Variants in LUZP2 observed in about 807,000 individuals in gnomAD.
LUZP2 encodes the protein leucine zipper protein 2.
Under a neutral mutation model 51.6 loss-of-function variants are expected in LUZP2, and 52 were observed. The observed-to-expected ratio is 1.01, with a 90% CI of 0.81 to 1.27. The LOEUF (loss-of-function observed/expected upper bound fraction) is 1.27, where lower values mean the gene tolerates loss of function less well. Ranked by LOEUF, LUZP2 falls within the 50% of genes most tolerant of loss-of-function variation. The pLI, the probability that LUZP2 is intolerant of heterozygous loss-of-function variation, is 0.00. For synonymous variants in LUZP2, 154 were observed against 137.3 expected (o/e 1.12, Z -0.85); for missense variants, 436 against 395.4 (o/e 1.10, Z -0.87).
chr11:24,992,581 A>G (rs1856381907), intron 9 of LUZP2, among the ~76,000 whole-genome samples: 1 of 152,160 alleles, frequency 6.6e-6, no homozygotes, highest in Admixed American at 6.6e-5. Flanking sequence ...AAACTATTCA[A>G]TTAATATTTG....
At chr11:24,508,549 G>A (rs919869612) in intron 1 of LUZP2, among the ~76,000 whole-genome samples, 1 of 152,010 alleles carries the variant, frequency 6.6e-6, no homozygotes, top group African/African-American at 2.4e-5. Flanking sequence ...CTACTGCCTG[G>A]CTCCAGATGT....
At chr11:24,619,637 T>C (rs1285226279) in intron 1 of LUZP2, among the ~76,000 whole-genome samples, 2 of 152,144 alleles carry the variant, frequency 1.3e-5, no homozygotes, top group Admixed American at 1.3e-4. Context: ...TTGGTTCCAG[T>C]ACCTTCCACA....
At chr11:24,633,993 T>A (rs561182408) in intron 1 of LUZP2, among the ~76,000 whole-genome samples, 9 of 149,402 alleles carry the variant, frequency 6.0e-5, no homozygotes, top group African/African-American at 2.2e-4. Flanking sequence ...TAAAGGACAA[T>A]AAAGTCTAAA....
chr11:24,617,841 T>A (rs1338011493), intron 1 of LUZP2, among the ~76,000 whole-genome samples: 3 of 151,694 alleles, frequency 2.0e-5, no homozygotes, highest in African/African-American at 7.3e-5. Context: ...ATAGTAATAA[T>A]AATAACAATA....
intron 1 of LUZP2, among the ~76,000 whole-genome samples, chr11:24,728,189 C>G (rs1405705541): frequency 6.6e-6 from 1 of 151,914 alleles, no homozygotes; most frequent in Admixed American, 6.6e-5. Flanking sequence ...AAACACTGTT[C>G]TTCCTGACTT....
At chr11:24,526,808 C>T (rs1262437509) in intron 1 of LUZP2, among the ~76,000 whole-genome samples, 1 of 151,032 alleles carries the variant, frequency 6.6e-6, no homozygotes, top group East Asian at 1.9e-4. Flanking sequence ...GTTTCATTTC[C>T]ACAATGGAGT....
chr11:25,049,677 A>C lies in LUZP2; in HGVS notation c.766-361A>C, dbSNP rs532435250. ...TTATTCACATATTATTTCTCTATATACTGGGGGTTAAAATAAAAAGAAAGG... is the reference window on the plus strand; with the variant it reads ...TTATTCACATATTATTTCTCTATATCCTGGGGGTTAAAATAAAAAGAAAGG... On this transcript the variant is annotated intron_variant, in intron 9 of 11. Coordinates refer to ENST00000336930, the MANE Select transcript of LUZP2 (RefSeq NM_001009909.4). 5.9e-5 allele frequency among the ~76,000 whole-genome samples: 9 copies of C among 152,172 alleles called. No homozygotes were observed. The East Asian group carries it at 1.7e-3, about 29-fold the overall frequency.
At chr11:24,547,156 C>G (rs10834380) in intron 1 of LUZP2, among the ~76,000 whole-genome samples, 1 of 151,306 alleles carries the variant, frequency 6.6e-6, no homozygotes, top group Non-Finnish European at 1.5e-5. Context: ...ATAAGATTCT[C>G]TGATGGTTAT....
At position 24,640,678 on chromosome 11, in the gene LUZP2, T is replaced by A. The variant is rs557189538; in HGVS notation, c.63-88491T>A. On this transcript the variant is annotated intron_variant, in intron 1 of 11. Coordinates refer to ENST00000336930, the MANE Select transcript of LUZP2 (RefSeq NM_001009909.4). The stretch of plus-strand genomic sequence containing the variant: ...GTTAGAAAATGGTAGGATTGCCAGC[T>A]CATATTAAAATTCTTATTGGAATTT... Among the ~76,000 whole-genome samples the A allele has an allele frequency of 5.3e-5, 8 of 152,056 alleles. No individual in the cohort carries two copies. The East Asian group carries it at 1.5e-3, about 29-fold the overall frequency.
At chr11:25,033,028 C>G (rs796946344) in intron 9 of LUZP2, among the ~76,000 whole-genome samples, 3 of 152,264 alleles carry the variant, frequency 2.0e-5, no homozygotes, top group African/African-American at 7.2e-5. Context: ...TAACAATCAT[C>G]TAACTTTGGC....
intron 10 of LUZP2, among the ~76,000 whole-genome samples, chr11:25,064,128 A>AT (rs1858929285): frequency 6.6e-6 from 1 of 152,006 alleles, no homozygotes. Context: ...TAGGTTGTAC[A>AT]TTTTCAATTC....
At chr11:24,961,258 T>G (rs1855391522) in intron 7 of LUZP2, among the ~76,000 whole-genome samples, 1 of 152,226 alleles carries the variant, frequency 6.6e-6, no homozygotes, top group African/African-American at 2.4e-5. Flanking sequence ...AGATGTCTAT[T>G]AGGTCCGCTT....
intron 1 of LUZP2, among the ~76,000 whole-genome samples, chr11:24,511,810 A>T (rs1297072538): frequency 1.3e-5 from 2 of 152,222 alleles, no homozygotes; most frequent in Admixed American, 1.3e-4. Context: ...GAGTGGAAAG[A>T]GAACACTTAA....
chr11:24,687,175 TA>T (rs1299560450), intron 1 of LUZP2, among the ~76,000 whole-genome samples: 2 of 152,274 alleles, frequency 1.3e-5, no homozygotes, highest in East Asian at 1.9e-4. Flanking sequence ...CATTTTGATT[TA>T]AAATGTCCTT....
At chr11:24,671,440 T>C (rs1474727477) in intron 1 of LUZP2, among the ~76,000 whole-genome samples, 1 of 152,044 alleles carries the variant, frequency 6.6e-6, no homozygotes, top group East Asian at 1.9e-4. Context: ...TAATGAAAAC[T>C]TGATTTTAAA....
chr11:24,960,676 C>G (rs994076854), intron 7 of LUZP2, among the ~76,000 whole-genome samples: 212 of 151,932 alleles, frequency 1.4e-3, no homozygotes, highest in African/African-American at 3.1e-3. Flanking sequence ...TATCAATTTT[C>G]TTGAGCCTTT....
intron 1 of LUZP2, among the ~76,000 whole-genome samples, chr11:24,634,041 G>A (rs544984536): frequency 6.6e-6 from 1 of 151,876 alleles, no homozygotes; most frequent in East Asian, 1.9e-4. Context: ...GAAGAGCTGA[G>A]ACTCTGAAGA....
chr11:24,750,392 G>A (rs1363608310), intron 4 of LUZP2, among the ~76,000 whole-genome samples: 1 of 152,148 alleles, frequency 6.6e-6, no homozygotes, highest in Non-Finnish European at 1.5e-5. Context: ...TCTTCCAATA[G>A]GGGAAAGAAA....
At chr11:24,746,050 T>G (rs1859368864) in intron 4 of LUZP2, among the ~76,000 whole-genome samples, 1 of 152,222 alleles carries the variant, frequency 6.6e-6, no homozygotes, top group Non-Finnish European at 1.5e-5. Flanking sequence ...ATGTTCGTAC[T>G]GAGATGTGAG....
Sources: allele counts gnomAD v4.1 joint callset (sites outside exome capture counted in the v4.1 genomes callset), GRCh38; gene constraint gnomAD v4.1.1; transcripts MANE v1.5; gene names NCBI Gene and HGNC (gene_info 2026-07-23, HGNC 2026-07-21).